BNC2: variants seen among roughly 807,000 people sequenced by gnomAD.
BNC2 encodes zinc finger protein basonuclin-2.
BNC2 carries 20 observed loss-of-function variants against 76.3 expected under a neutral mutation model. That is an observed-to-expected ratio of 0.26 (90% confidence interval 0.18 to 0.38). The LOEUF (loss-of-function observed/expected upper bound fraction) is 0.38, where lower values mean the gene tolerates loss of function less well. Among genes scored for constraint, BNC2 ranks in the 10% least tolerant of loss-of-function variants. The pLI is 1.00. For missense variants in BNC2, 1,382 were observed against 1,399.8 expected, an observed-to-expected ratio of 0.99 and a Z score of 0.20; for synonymous variants, 582 against 514.8, an observed-to-expected ratio of 1.13 and a Z score of -1.77.
At chr9:16,724,123 A>G (rs907620313) in intron 3 of BNC2, among the ~76,000 whole-genome samples, 8 of 152,060 alleles carry the variant, frequency 5.3e-5, no homozygotes, top group Non-Finnish European at 1.2e-4. Context: ...AAACAGGTTA[A>G]ATATACCTCA....
chr9:16,764,329 T>A (rs983089377), intron 1 of BNC2, among the ~76,000 whole-genome samples: 4 of 152,182 alleles, frequency 2.6e-5, no homozygotes, highest in Non-Finnish European at 5.9e-5. Flanking sequence ...CATACCAAAG[T>A]AGCCACTAGA....
At chr9:16,751,738 C>T (rs1460436726) in intron 1 of BNC2, among the ~76,000 whole-genome samples, 3 of 150,670 alleles carry the variant, frequency 2.0e-5, no homozygotes, top group African/African-American at 4.9e-5. Flanking sequence ...AGATTTTTAA[C>T]AATTATTTTC....
At chr9:16,518,879 G>C (rs191404871) in intron 5 of BNC2, among the ~76,000 whole-genome samples, 2 of 152,154 alleles carry the variant, frequency 1.3e-5, no homozygotes, top group East Asian at 3.8e-4. Context: ...GGGATTACAG[G>C]CGTGAGCCAC....
rs550012280 is a variant in BNC2, at chr9:16,430,379, T to C, written c.2639+5176A>G. On this transcript the variant is annotated intron_variant, in intron 6 of 6. Coordinates refer to ENST00000380672, the MANE Select transcript of BNC2 (RefSeq NM_017637.6). The stretch of plus-strand genomic sequence containing the variant: ...CCACATCGTATTTGACAGCTAATTA[T>C]ATTAGGGCAAATATACTAATAGTTA... Among the ~76,000 whole-genome samples the C allele has an allele frequency of 2.0e-5, 3 of 152,310 alleles. No individual in the cohort carries two copies. The East Asian group carries it at 5.8e-4, about 29-fold the overall frequency.
chr9:16,589,921 C>T (rs935340947), intron 3 of BNC2, among the ~76,000 whole-genome samples: 1 of 152,120 alleles, frequency 6.6e-6, no homozygotes, highest in Non-Finnish European at 1.5e-5. Flanking sequence ...TAGTTAAGTA[C>T]ATGACCTACA....
intron 1 of BNC2, among the ~76,000 whole-genome samples, chr9:16,831,988 G>A (rs1818587620): frequency 6.6e-6 from 1 of 152,162 alleles, no homozygotes; most frequent in African/African-American, 2.4e-5. Context: ...CAGGTTTACA[G>A]ACCAGCCATA....
intron 5 of BNC2, among the ~76,000 whole-genome samples, chr9:16,455,370 A>C (rs1439188748): frequency 6.6e-6 from 1 of 152,252 alleles, no homozygotes; most frequent in Non-Finnish European, 1.5e-5. Context: ...ATTAATTTTG[A>C]ATATATCCAT....
At chr9:16,518,230 C>A (rs1189322751) in intron 5 of BNC2, among the ~76,000 whole-genome samples, 1 of 152,092 alleles carries the variant, frequency 6.6e-6, no homozygotes, top group Admixed American at 6.5e-5. Context: ...GAGTTCAAGA[C>A]CAGCCTGGGC....
Position 16,418,838 on chromosome 9 carries a change from G to T in BNC2, c.*151C>A, listed in dbSNP as rs866662120. 2.4e-6 allele frequency: 2 copies of T among 826,480 alleles called. No individual in the cohort carries two copies. The highest frequency in any genetic ancestry group is 2.0e-6 in the Non-Finnish European group (1 of 510,686). The allele number at this position is 826,480 out of a possible 1,614,324, so 51.2% of individuals were successfully genotyped here. On this transcript the variant is annotated 3_prime_UTR_variant, in exon 7 of 7. Coordinates refer to ENST00000380672, the MANE Select transcript of BNC2 (RefSeq NM_017637.6). Reference sequence around the variant, plus strand: ...TATCTTGTTTATCTCAAGGAAATACGTGTGTGTATATGTAGCCACAGAGCA... The same window carrying T: ...TATCTTGTTTATCTCAAGGAAATACTTGTGTGTATATGTAGCCACAGAGCA...
At chr9:16,464,994 AAC>A (rs1821673064) in intron 5 of BNC2, among the ~76,000 whole-genome samples, 1 of 152,176 alleles carries the variant, frequency 6.6e-6, no homozygotes, top group Non-Finnish European at 1.5e-5. Context: ...AGTGAATTCT[AAC>A]ACACGACTTT....
chr9:16,608,000 G>C (rs1393564882), intron 3 of BNC2, among the ~76,000 whole-genome samples: 1 of 152,132 alleles, frequency 6.6e-6, no homozygotes, highest in Non-Finnish European at 1.5e-5. Context: ...ACAAGCATCA[G>C]TCACACTGCC....
At chr9:16,549,797 A>T (rs985354152) in intron 5 of BNC2, among the ~76,000 whole-genome samples, 5 of 152,302 alleles carry the variant, frequency 3.3e-5, no homozygotes, top group Middle Eastern at 3.4e-3. Context: ...ACAAAGAACA[A>T]GTAGATTATA....
intron 1 of BNC2, among the ~76,000 whole-genome samples, chr9:16,783,849 A>T (rs950460561): frequency 1.3e-5 from 2 of 152,238 alleles, no homozygotes; most frequent in Non-Finnish European, 2.9e-5. Context: ...TGACAACCCA[A>T]TTAGCCAAAA....
chr9:16,564,515 G>A (rs1819114274), intron 4 of BNC2, among the ~76,000 whole-genome samples: 1 of 152,096 alleles, frequency 6.6e-6, no homozygotes, highest in Non-Finnish European at 1.5e-5. Flanking sequence ...CTCTCCACCT[G>A]CCCACCTGTG....
rs770052987 is a variant in BNC2 at position 16,738,387 on chromosome 9, A to G, written c.102T>C (p.Cys34=). The change falls in exon 2 of 7, where the codon TGT becomes TGC. Residue 34 remains cysteine, a synonymous_variant. Transcript: ENST00000380672. The stretch of plus-strand genomic sequence containing the variant: ...CAATTTGAGATGTATCAACCCCACA[A>G]CATGGGACCTTGAAATATGCTGGCC... The part of the protein sequence containing the change: ...QDWPAYFKVP[C]CGVDTSQIES... 4 of 1,614,114 alleles carry G rather than the reference A, an allele frequency of 2.5e-6. No homozygotes were observed. In the South Asian group the frequency reaches 4.4e-5, roughly 18 times the overall value.
chr9:16,855,615 G>A (rs1819234304), intron 1 of BNC2, among the ~76,000 whole-genome samples: 1 of 152,120 alleles, frequency 6.6e-6, no homozygotes, highest in Admixed American at 6.5e-5. Flanking sequence ...TCGGCTCACT[G>A]CAACCTCCAC....
chr9:16,670,957 A>C (rs1410614204), intron 3 of BNC2, among the ~76,000 whole-genome samples: 1 of 152,070 alleles, frequency 6.6e-6, no homozygotes, highest in Non-Finnish European at 1.5e-5. Flanking sequence ...AGCTTGCCCC[A>C]CCTGAGTCAT....
chr9:16,574,052 T>G (rs950132338), intron 4 of BNC2, among the ~76,000 whole-genome samples: 3 of 152,154 alleles, frequency 2.0e-5, no homozygotes, highest in African/African-American at 7.2e-5. Context: ...AGGATCAACA[T>G]GATATTGCTG....
chr9:16,750,999 C>T (rs184989814), intron 1 of BNC2, among the ~76,000 whole-genome samples: 3 of 152,164 alleles, frequency 2.0e-5, no homozygotes, highest in Non-Finnish European at 4.4e-5. Flanking sequence ...TCTTTTTTCT[C>T]TGGCCCACCT....
Sources: allele counts gnomAD v4.1 joint callset (sites outside exome capture counted in the v4.1 genomes callset), GRCh38; gene constraint gnomAD v4.1.1; transcripts MANE v1.5; gene names NCBI Gene and HGNC (gene_info 2026-07-23, HGNC 2026-07-21).